The following DYNC2H1 variants were observed in gnomAD, a reference collection of about 807,000 sequenced individuals.
DYNC2H1 encodes dynein cytoplasmic 2 heavy chain 1, also known as cytoplasmic dynein 2 heavy chain 1.
Under a neutral mutation model 570.0 loss-of-function variants are expected in DYNC2H1, and 410 were observed. That is an observed-to-expected ratio of 0.72 (90% CI 0.66 to 0.78). The LOEUF is 0.78. Ranked by LOEUF, DYNC2H1 falls within the 30% of genes least tolerant of loss-of-function variation. The probability of loss-of-function intolerance (pLI) is 0.00; values close to 1 mark genes in which losing one functional copy is unlikely to be tolerated. For synonymous variants in DYNC2H1, 1,688 were observed against 1,677.6 expected, an observed-to-expected ratio of 1.01 and a Z score of -0.15; for missense variants, 4,865 against 5,046.4, an observed-to-expected ratio of 0.96 and a Z score of 1.09.
chr11:103,390,828 A>G (rs1433676536), intron 83 of DYNC2H1, among the ~76,000 whole-genome samples: 3 of 151,990 alleles, frequency 2.0e-5, no homozygotes, highest in Non-Finnish European at 1.5e-5. Flanking sequence ...ATTGGCCCCC[A>G]CTCTCTTCTG....
rs1325973305 is a variant in DYNC2H1 at position 103,198,063 on chromosome 11, G to C, written c.7839G>C (p.Lys2613Asn). 2.6e-6 allele frequency: 4 copies of C among 1,550,568 alleles called. No individual in the cohort carries two copies. The Admixed American group carries it at 5.9e-5, about 23-fold the overall frequency. ...NSTDLKDVIK[K>N]GLIHYGRDNQ... The stretch of plus-strand genomic sequence containing the variant: ...CTGATCTCAAGGATGTTATTAAAAA[G>C]GTATAATATGAATCATTAATTGGAA... The change falls in exon 48 of 89, where the codon AAG (lysine) becomes AAC (asparagine). Residue 2613 changes from lysine (K) to asparagine (N), a missense_variant and splice_region_variant. Around this residue, in one of 5 missense-constraint regions of DYNC2H1, gnomAD observed 2,401 missense variants for 2,454.6 expected, o/e 0.98. Coordinates refer to ENST00000375735, the MANE Select transcript of DYNC2H1 (RefSeq NM_001377.3).
At chr11:103,438,706 C>CA (rs1944148648) in intron 85 of DYNC2H1, among the ~76,000 whole-genome samples, 1 of 152,114 alleles carries the variant, frequency 6.6e-6, no homozygotes, top group Non-Finnish European at 1.5e-5. Flanking sequence ...TTTATTCAGT[C>CA]ATTCATTCAG....
At chr11:103,425,733 CTCTCACTAGCCTTTGTGAGCTGGT>C (rs66718876) in intron 84 of DYNC2H1, among the ~76,000 whole-genome samples, 83,762 of 151,180 alleles carry the variant, frequency 0.55, 23,805 homozygotes, top group East Asian at 0.71. Context: ...TAAGACTTGG[CTCTCACTAGCCTTTGTGAGCTGGT>C]TCAATCACAT....
chr11:103,308,988 C>T (rs1021364363), intron 78 of DYNC2H1, among the ~76,000 whole-genome samples: 1 of 151,824 alleles, frequency 6.6e-6, no homozygotes, highest in African/African-American at 2.4e-5. Flanking sequence ...CCCTGCCTTC[C>T]TTCTATGCTT....
intron 63 of DYNC2H1, among the ~76,000 whole-genome samples, chr11:103,237,451 A>G (rs556380580): frequency 6.6e-6 from 1 of 152,190 alleles, no homozygotes; most frequent in South Asian, 2.1e-4. Context: ...ACTATGCTTC[A>G]GCTCACTGTA....
Position 103,286,389 on chromosome 11 carries a change from A to G in DYNC2H1, c.11022+3A>G. Reference sequence around the variant, plus strand: ...AGAAAGTTTCCTTATTTCAGCAGGTAAAATTTAGTGTTATCTAAATGCAAA... The same window carrying G: ...AGAAAGTTTCCTTATTTCAGCAGGTGAAATTTAGTGTTATCTAAATGCAAA... On this transcript the variant is annotated splice_donor_region_variant and intron_variant, in intron 74 of 88. Coordinates refer to ENST00000375735, the MANE Select transcript of DYNC2H1 (RefSeq NM_001377.3). The G allele has an allele frequency of 3.1e-6, 5 of 1,610,038 alleles. No individual in the cohort carries two copies. Among genetic ancestry groups the G allele is most frequent in the Non-Finnish European group, 4.2e-6 (5 of 1,178,956 alleles).
chr11:103,205,831 G>A lies in DYNC2H1; in HGVS notation c.8454+867G>A, dbSNP rs142321059. Among the ~76,000 whole-genome samples, 664 of 152,284 alleles carry A rather than the reference G, an allele frequency of 4.4e-3. 1 individual carries two copies. The highest frequency in any genetic ancestry group is 7.2e-3 in the Non-Finnish European group (492 of 68,020). ...GTAAGAGGCAACTTCACCTGGAGCAGAGTGATTGAGGGGAGAGTTGGTGAA... is the reference window on the plus strand; with the variant it reads ...GTAAGAGGCAACTTCACCTGGAGCAAAGTGATTGAGGGGAGAGTTGGTGAA... On this transcript the variant is annotated intron_variant, in intron 52 of 88. Coordinates refer to ENST00000375735, the MANE Select transcript of DYNC2H1 (RefSeq NM_001377.3). This position sits in a 1 kb window ranked among gnomAD's most constrained non-coding sequence, Gnocchi z 4.5.
chr11:103,207,623 T>C (rs1032005228), intron 52 of DYNC2H1, among the ~76,000 whole-genome samples: 1 of 152,010 alleles, frequency 6.6e-6, no homozygotes, highest in Middle Eastern at 3.2e-3. Flanking sequence ...CAAGAAGACA[T>C]GGAAAACAGT....
intron 81 of DYNC2H1, among the ~76,000 whole-genome samples, chr11:103,322,480 A>T (rs1938259705): frequency 6.6e-6 from 1 of 151,882 alleles, no homozygotes; most frequent in Non-Finnish European, 1.5e-5. Flanking sequence ...TCTAGTTACT[A>T]CCTCTCCCAC....
At position 103,157,041 on chromosome 11, in the gene DYNC2H1, G is replaced by C. The variant is rs951453936; in HGVS notation, c.4127+271G>C. Among the ~76,000 whole-genome samples the C allele has an allele frequency of 6.6e-6, 1 of 151,978 alleles. No homozygotes were observed. The highest frequency in any genetic ancestry group is 6.6e-5 in the Admixed American group (1 of 15,242). On this transcript the variant is annotated intron_variant, in intron 26 of 88. Transcript: ENST00000375735. This position sits in a 1 kb window ranked among gnomAD's most constrained non-coding sequence, Gnocchi z 4.2. ...TTACTTTCTCTTTTAAATTCAAAAG[G>C]CATTTTCAATTTTTATTTTACTTTA...
chr11:103,189,776 T>C lies in DYNC2H1; in HGVS notation c.7397T>C (p.Ile2466Thr). The C allele has an allele frequency of 6.2e-7, 1 of 1,611,574 alleles. No homozygotes were observed. The highest frequency in any genetic ancestry group is 8.5e-7 in the Non-Finnish European group (1 of 1,179,182). Residue 2466 changes from isoleucine (I) to threonine (T), a missense_variant, in exon 45 of 89, where the codon ATT (isoleucine) becomes ACT (threonine). Physicochemically the swap from Ile to Thr is moderately conservative, Grantham distance 89. This residue lies in a region of DYNC2H1 where 2,401 missense variants were observed against 2,454.6 expected (regional missense o/e 0.98). Transcript: ENST00000375735. The surrounding 1 kb of genome is among the most constrained non-coding windows in gnomAD (Gnocchi z 4.3). ...NHSIWGSSSKIYLLAGSMVQV... is the reference protein window; with the variant it reads ...NHSIWGSSSKTYLLAGSMVQV... ...TCTATTTGGGGTTCTTCATCAAAAATTTATCTTTTAGCAGGATCTATGGTA... is the reference window on the plus strand; with the variant it reads ...TCTATTTGGGGTTCTTCATCAAAAACTTATCTTTTAGCAGGATCTATGGTA...
intron 18 of DYNC2H1, 31 bp downstream of exon 18, chr11:103,143,426 C>A: frequency 6.4e-7 from 1 of 1,554,084 alleles, no homozygotes; most frequent in Non-Finnish European, 8.7e-7. Flanking sequence ...ACTTACGTAC[C>A]ATAATAATTT....
chr11:103,123,217 C>T (rs1236777659), intron 11 of DYNC2H1, among the ~76,000 whole-genome samples: 19 of 151,856 alleles, frequency 1.3e-4, no homozygotes, highest in Admixed American at 1.2e-3. Flanking sequence ...TTGTCTGTTC[C>T]CCAGAATTAT....
At chr11:103,215,161 T>C (rs1213579278) in intron 54 of DYNC2H1, among the ~76,000 whole-genome samples, 1 of 152,194 alleles carries the variant, frequency 6.6e-6, no homozygotes, top group Non-Finnish European at 1.5e-5. Context: ...CTTGCCCGAT[T>C]GATGTGGCTT....
chr11:103,295,663 A>C (rs1866791994), intron 75 of DYNC2H1, among the ~76,000 whole-genome samples: 1 of 152,216 alleles, frequency 6.6e-6, no homozygotes, highest in African/African-American at 2.4e-5. Context: ...AGCCTGTGCA[A>C]GACACTAGAG....
chr11:103,419,200 C>CT (rs1943392936), intron 84 of DYNC2H1, among the ~76,000 whole-genome samples: 1 of 152,192 alleles, frequency 6.6e-6, no homozygotes, highest in Non-Finnish European at 1.5e-5. Flanking sequence ...CTTAGCCATT[C>CT]CAGCCTGCTG....
At position 103,219,962 on chromosome 11, in the gene DYNC2H1, A is replaced by C; in HGVS notation, c.8880A>C (p.Ile2960=). Residue 2960 remains isoleucine (I), a synonymous_variant, in exon 56 of 89, where the codon ATA becomes ATC. Transcript: ENST00000375735. The stretch of plus-strand genomic sequence containing the variant: ...AACTTGAAAGACTGAAGCACAGAAT[A>C]GCAGAAGAAGTTGTTAAAATTGAAG... ...KTELERLKHR[I]AEEVVKIEER... 2 of 1,513,640 alleles carry C rather than the reference A, an allele frequency of 1.3e-6. No homozygotes were observed. The highest frequency in any genetic ancestry group is 1.8e-6 in the Non-Finnish European group (2 of 1,140,340). 93.8% of individuals were successfully genotyped at this position (1,513,640 alleles called of 1,614,324 possible).
At chr11:103,288,633 G>A (rs1866445880) in intron 75 of DYNC2H1, among the ~76,000 whole-genome samples, 1 of 135,784 alleles carries the variant, frequency 7.4e-6, no homozygotes, top group African/African-American at 2.7e-5. Context: ...GATCACTCGA[G>A]GTCAGGAGTT....
intron 87 of DYNC2H1, among the ~76,000 whole-genome samples, chr11:103,459,291 A>G (rs1591789944): frequency 8.8e-6 from 1 of 114,104 alleles, no homozygotes; most frequent in Non-Finnish European, 1.8e-5. Flanking sequence ...CCTGGGCGAC[A>G]GAGCGAGACT....
Sources: allele counts gnomAD v4.1 joint callset (sites outside exome capture counted in the v4.1 genomes callset), GRCh38; gene constraint gnomAD v4.1.1; regional missense constraint gnomAD v4.1.1; non-coding constraint Gnocchi (gnomAD v3.1); transcripts MANE v1.5; gene names NCBI Gene and HGNC (gene_info 2026-07-23, HGNC 2026-07-21).